The following ZSWIM5 variants were observed in gnomAD, a reference collection of about 807,000 sequenced individuals.
ZSWIM5 encodes zinc finger SWIM-type containing 5.
A neutral mutation model predicts 119.6 loss-of-function variants in ZSWIM5; 55 were observed. That is an observed-to-expected ratio of 0.46 (90% CI 0.37 to 0.58). The LOEUF (loss-of-function observed/expected upper bound fraction) is 0.58. Among genes scored for constraint, ZSWIM5 ranks in the 20% least tolerant of loss-of-function variants. The pLI, the probability that ZSWIM5 is intolerant of heterozygous loss-of-function variation, is 0.00. For missense variants in ZSWIM5, 1,193 were observed against 1,512.8 expected, an observed-to-expected ratio of 0.79 and a Z score of 3.51; for synonymous variants, 537 against 606.9, an observed-to-expected ratio of 0.88 and a Z score of 1.69.
At chr1:45,115,471 G>A (rs191326024) in intron 1 of ZSWIM5, among the ~76,000 whole-genome samples, 7,125 of 150,642 alleles carry the variant, frequency 0.047, 210 homozygotes, top group East Asian at 0.1. Context: ...GGTGGCGGTC[G>A]GGCAGAGACA....
At chr1:45,200,472 T>C (rs887072204) in intron 1 of ZSWIM5, among the ~76,000 whole-genome samples, 2 of 152,192 alleles carry the variant, frequency 1.3e-5, no homozygotes, top group African/African-American at 4.8e-5. Context: ...GCACTAATTG[T>C]AAACCATAGT....
intron 1 of ZSWIM5, among the ~76,000 whole-genome samples, chr1:45,114,114 T>A (rs983746251): frequency 6.6e-6 from 1 of 152,178 alleles, no homozygotes; most frequent in Non-Finnish European, 1.5e-5. Context: ...AAATATAATG[T>A]GCAAGTCCAA....
intron 1 of ZSWIM5, among the ~76,000 whole-genome samples, chr1:45,144,011 AG>A (rs1271451026): frequency 6.6e-6 from 1 of 152,210 alleles, no homozygotes; most frequent in Non-Finnish European, 1.5e-5. Context: ...AAATAAATAG[AG>A]AGATATACTG....
intron 1 of ZSWIM5, among the ~76,000 whole-genome samples, chr1:45,172,091 G>A (rs370833043): frequency 6.6e-6 from 1 of 151,810 alleles, no homozygotes; most frequent in Non-Finnish European, 1.5e-5. Context: ...TAATAATATT[G>A]TAAGAATGCT....
chr1:45,183,291 A>G (rs908074026), intron 1 of ZSWIM5, among the ~76,000 whole-genome samples: 3 of 151,658 alleles, frequency 2.0e-5, no homozygotes, highest in Non-Finnish European at 4.4e-5. Context: ...CCACAAGAGA[A>G]AGCAGGAAAG....
chr1:45,031,373 G>A (rs1005428255), intron 11 of ZSWIM5, among the ~76,000 whole-genome samples: 27 of 150,264 alleles, frequency 1.8e-4, no homozygotes, highest in Middle Eastern at 3.5e-3. Context: ...TGGTAGAGAT[G>A]GAGTTTTAGC....
chr1:45,058,884 A>C lies in ZSWIM5; in HGVS notation c.1102-125T>G, dbSNP rs192167492. 3,587 of 1,070,890 alleles carry C rather than the reference A, an allele frequency of 3.3e-3. 24 individuals are homozygous for C. The highest frequency in any genetic ancestry group is 0.018 in the Middle Eastern group (69 of 3,920). The allele number at this position is 1,070,890 out of a possible 1,614,324, so 66.3% of individuals were successfully genotyped here. On this transcript the variant is annotated intron_variant, in intron 3 of 13. Coordinates refer to ENST00000359600, the MANE Select transcript of ZSWIM5 (RefSeq NM_020883.2). The stretch of plus-strand genomic sequence containing the variant: ...GTACACCATATCCAAAAGAGCCAGA[A>C]AGAAGGCCTCTTGTTCTGTAAGCAA...
chr1:45,120,630 G>A (rs1014638869), intron 1 of ZSWIM5, among the ~76,000 whole-genome samples: 1 of 151,686 alleles, frequency 6.6e-6, no homozygotes, highest in East Asian at 1.9e-4. Context: ...ACCATGCCTG[G>A]CTAGTTTTTC....
At chr1:45,128,911 T>A (rs1645637719) in intron 1 of ZSWIM5, among the ~76,000 whole-genome samples, 1 of 152,192 alleles carries the variant, frequency 6.6e-6, no homozygotes, top group African/African-American at 2.4e-5. Flanking sequence ...CTTTTTATAC[T>A]GATTTCTTTC....
intron 1 of ZSWIM5, among the ~76,000 whole-genome samples, chr1:45,153,505 C>CA (rs113314162): frequency 0.3 from 36,627 of 121,090 alleles, 5,510 homozygotes; most frequent in African/African-American, 0.46. Flanking sequence ...GACTCTGTCT[C>CA]AAAAAAAAAA....
At chr1:45,107,548 A>G (rs1173665969) in intron 1 of ZSWIM5, among the ~76,000 whole-genome samples, 1 of 150,544 alleles carries the variant, frequency 6.6e-6, no homozygotes, top group Non-Finnish European at 1.5e-5. Flanking sequence ...AGGCTGAGAC[A>G]GGAGAATGGC....
intron 2 of ZSWIM5, among the ~76,000 whole-genome samples, chr1:45,062,921 C>T (rs1645161425): frequency 6.6e-6 from 1 of 152,170 alleles, no homozygotes. Context: ...TCCCATCACC[C>T]AGGTAGTGAG....
At chr1:45,189,647 T>G (rs1247574991) in intron 1 of ZSWIM5, among the ~76,000 whole-genome samples, 1 of 151,912 alleles carries the variant, frequency 6.6e-6, no homozygotes, top group African/African-American at 2.4e-5. Flanking sequence ...TCCCAGCCAC[T>G]CGGGAGGCTG....
chr1:45,100,969 C>T (rs1286701893), intron 1 of ZSWIM5, among the ~76,000 whole-genome samples: 1 of 152,114 alleles, frequency 6.6e-6, no homozygotes, highest in Non-Finnish European at 1.5e-5. Flanking sequence ...CTAGGCAATA[C>T]CATTCAGGAC....
intron 1 of ZSWIM5, among the ~76,000 whole-genome samples, chr1:45,130,190 G>A (rs1241196135): frequency 6.6e-6 from 1 of 152,168 alleles, no homozygotes; most frequent in Non-Finnish European, 1.5e-5. Context: ...GGGCCACCAT[G>A]CCCAGCATCA....
intron 1 of ZSWIM5, among the ~76,000 whole-genome samples, chr1:45,163,472 T>A (rs1229561546): frequency 2.0e-5 from 3 of 152,206 alleles, no homozygotes; most frequent in Admixed American, 6.5e-5. Flanking sequence ...AGACAGAGAA[T>A]GACTTTGACG....
chr1:45,098,547 C>A (rs1452136656), intron 1 of ZSWIM5, among the ~76,000 whole-genome samples: 1 of 152,166 alleles, frequency 6.6e-6, no homozygotes, highest in Non-Finnish European at 1.5e-5. Flanking sequence ...ACCAAGCAGA[C>A]CTAATAGACA....
chr1:45,106,668 G>A (rs192185616), intron 1 of ZSWIM5, among the ~76,000 whole-genome samples: 49 of 152,236 alleles, frequency 3.2e-4, no homozygotes, highest in African/African-American at 8.7e-4. Context: ...AGTGAGGAGC[G>A]CCTCCGCCAG....
intron 1 of ZSWIM5, among the ~76,000 whole-genome samples, chr1:45,149,301 G>A (rs1385044016): frequency 6.6e-6 from 1 of 152,112 alleles, no homozygotes; most frequent in East Asian, 1.9e-4. Context: ...ATTGTCACAT[G>A]TACAAACACA....
Sources: gnomAD v4.1 joint callset for allele counts (sites outside exome capture counted in the v4.1 genomes callset) on GRCh38, gnomAD v4.1.1 for gene constraint, MANE v1.5 for transcripts, NCBI Gene and HGNC (gene_info 2026-07-23, HGNC 2026-07-21) for gene names.